The following NEK1 variants were observed in gnomAD, a reference collection of about 807,000 sequenced individuals.
NEK1 encodes the protein serine/threonine-protein kinase Nek1.
A neutral mutation model predicts 182.1 loss-of-function variants in NEK1; 137 were observed. That is an observed-to-expected ratio of 0.75 (90% CI 0.65 to 0.87). The LOEUF (loss-of-function observed/expected upper bound fraction) is 0.87, where lower values mean the gene tolerates loss of function less well. Among genes scored for constraint, NEK1 ranks in the 40% least tolerant of loss-of-function variants. The pLI, the probability that NEK1 is intolerant of heterozygous loss-of-function variation, is 0.00. For missense variants in NEK1, 1,391 were observed against 1,494.4 expected (o/e 0.93, Z 1.14); for synonymous variants, 513 against 492.2 (o/e 1.04, Z -0.56).
intron 5 of NEK1, among the ~76,000 whole-genome samples, chr4:169,594,873 C>A (rs914536104): frequency 4.6e-5 from 7 of 152,200 alleles, no homozygotes; most frequent in Non-Finnish European, 8.8e-5. Context: ...ACTTTGCTCT[C>A]CATTTTTATC....
At chr4:169,610,293 C>G (rs1231020896) in intron 2 of NEK1, among the ~76,000 whole-genome samples, 1 of 151,892 alleles carries the variant, frequency 6.6e-6, no homozygotes, top group African/African-American at 2.4e-5. Flanking sequence ...TGAGCCACAG[C>G]GTCTGACCCA....
intron 31 of NEK1, among the ~76,000 whole-genome samples, chr4:169,422,436 T>A (rs1212967486): frequency 6.6e-6 from 1 of 152,136 alleles, no homozygotes; most frequent in Non-Finnish European, 1.5e-5. Flanking sequence ...ATGGAGTCAG[T>A]TCCTTGAAGA....
At chr4:169,595,262 T>C (rs1045172424) in intron 5 of NEK1, among the ~76,000 whole-genome samples, 7 of 152,196 alleles carry the variant, frequency 4.6e-5, no homozygotes, top group African/African-American at 1.7e-4. Context: ...CTGAATTAAA[T>C]AAAATTTAAT....
intron 30 of NEK1, among the ~76,000 whole-genome samples, chr4:169,425,012 TG>T (rs1736130363): frequency 6.6e-6 from 1 of 152,238 alleles, no homozygotes. Flanking sequence ...TAATTTGTTA[TG>T]TACTTTCATT....
At chr4:169,456,009 A>C (rs769210620) in intron 27 of NEK1, among the ~76,000 whole-genome samples, 1 of 152,198 alleles carries the variant, frequency 6.6e-6, no homozygotes, top group African/African-American at 2.4e-5. Context: ...AATTATACCA[A>C]GTTTCTTCTC....
intron 35 of NEK1, among the ~76,000 whole-genome samples, chr4:169,397,539 A>C (rs1402387494): frequency 6.6e-6 from 1 of 152,182 alleles, no homozygotes; most frequent in African/African-American, 2.4e-5. Context: ...AGTTTTAGAA[A>C]AGATTGCCAG....
chr4:169,418,302 A>C (rs927745396), intron 31 of NEK1, among the ~76,000 whole-genome samples: 3 of 152,364 alleles, frequency 2.0e-5, no homozygotes, highest in Admixed American at 2.0e-4. Flanking sequence ...TGACTAACTT[A>C]AACCCAATAC....
At chr4:169,546,144 C>A (rs550146923) in intron 18 of NEK1, among the ~76,000 whole-genome samples, 2 of 152,312 alleles carry the variant, frequency 1.3e-5, no homozygotes, top group Non-Finnish European at 2.9e-5. Context: ...TCCCTCTACA[C>A]ACTGCTTTAA....
intron 31 of NEK1, among the ~76,000 whole-genome samples, chr4:169,416,818 T>C (rs937414606): frequency 3.3e-5 from 5 of 152,130 alleles, no homozygotes; most frequent in Middle Eastern, 3.2e-3. Flanking sequence ...GGCGGGAAGA[T>C]TGCTTGAGCC....
chr4:169,535,180 G>A (rs1328327951), intron 19 of NEK1, among the ~76,000 whole-genome samples: 6 of 151,886 alleles, frequency 4.0e-5, no homozygotes, highest in Admixed American at 6.6e-5. Context: ...AAAATTAGCC[G>A]GCTATGGTGG....
At chr4:169,394,584 A>C in intron 35 of NEK1, 61 bp from the exon 36 acceptor site, 3 of 1,058,720 alleles carry the variant, frequency 2.8e-6, no homozygotes, top group Non-Finnish European at 4.1e-6. Context: ...CTTTAAAAAA[A>C]ACCCATTCTT....
intron 6 of NEK1, 80 bp downstream of exon 6, chr4:169,590,646 G>C: frequency 1.1e-6 from 1 of 902,168 alleles, no homozygotes; most frequent in Non-Finnish European, 1.7e-6. Context: ...ACTAAATCAG[G>C]TTCAAAAATT....
chr4:169,481,737 G>A (rs553285378), intron 23 of NEK1, among the ~76,000 whole-genome samples: 25 of 152,234 alleles, frequency 1.6e-4, no homozygotes, highest in African/African-American at 5.8e-4. Flanking sequence ...TAATTCTTAA[G>A]GGTCCTAGGA....
chr4:169,480,221 C>T (rs1233844692), intron 23 of NEK1, among the ~76,000 whole-genome samples: 3 of 152,052 alleles, frequency 2.0e-5, no homozygotes, highest in Non-Finnish European at 4.4e-5. Context: ...GTATACATTT[C>T]AAACACAATA....
chr4:169,594,060 A>G (rs1241776183), intron 5 of NEK1, among the ~76,000 whole-genome samples: 1 of 152,032 alleles, frequency 6.6e-6, no homozygotes, highest in Non-Finnish European at 1.5e-5. Context: ...TTAGTTCCAT[A>G]TTAATATTTA....
chr4:169,514,060 A>G lies in NEK1; in HGVS notation c.1666-5208T>C, dbSNP rs559944729. On this transcript the variant is annotated intron_variant, in intron 19 of 35. Coordinates refer to ENST00000507142, the MANE Select transcript of NEK1 (RefSeq NM_001199397.3). The stretch of plus-strand genomic sequence containing the variant: ...GAGTACAGTGGTGCAATCTTGGCTC[A>G]CTGCAAGCTCCACCTCCCGGGTTCA... Among the ~76,000 whole-genome samples the G allele has an allele frequency of 1.1e-4, 17 of 151,764 alleles. No individual in the cohort carries two copies. The South Asian group carries it at 3.5e-3, about 32-fold the overall frequency.
chr4:169,458,798 A>C (rs1030082580), intron 27 of NEK1, among the ~76,000 whole-genome samples: 1 of 150,208 alleles, frequency 6.7e-6, no homozygotes, highest in African/African-American at 2.5e-5. Flanking sequence ...ACTGCACTCC[A>C]GCCTGGGCAA....
chr4:169,525,465 AAAG>A (rs922242210), intron 19 of NEK1, among the ~76,000 whole-genome samples: 1 of 152,198 alleles, frequency 6.6e-6, no homozygotes, highest in African/African-American at 2.4e-5. Flanking sequence ...GAATATTTTT[AAAG>A]AAGATCTGAA....
chr4:169,574,048 A>G (rs1296832925), intron 12 of NEK1, among the ~76,000 whole-genome samples: 1 of 152,014 alleles, frequency 6.6e-6, no homozygotes, highest in Non-Finnish European at 1.5e-5. Context: ...TGGTTCAGCT[A>G]CTCAGGAAGT....
Sources: allele counts gnomAD v4.1 joint callset (sites outside exome capture counted in the v4.1 genomes callset), GRCh38; gene constraint gnomAD v4.1.1; transcripts MANE v1.5; gene names NCBI Gene and HGNC (gene_info 2026-07-23, HGNC 2026-07-21).